Variants in SDK1 observed in about 807,000 individuals in gnomAD.
SDK1 encodes sidekick cell adhesion molecule 1, also known as protein sidekick-1.
SDK1 carries 157 observed loss-of-function variants against 245.5 expected under a neutral mutation model. That is an observed-to-expected ratio of 0.64 (90% CI 0.56 to 0.73). The LOEUF (loss-of-function observed/expected upper bound fraction) is 0.73. Ranked by LOEUF, SDK1 falls within the 30% of genes least tolerant of loss-of-function variation. The probability of loss-of-function intolerance (pLI) is 0.00; values close to 1 mark genes in which losing one functional copy is unlikely to be tolerated. For synonymous variants in SDK1, 1,647 were observed against 1,278.5 expected, an observed-to-expected ratio of 1.29 and a Z score of -6.15; for missense variants, 3,583 against 3,002.3, an observed-to-expected ratio of 1.19 and a Z score of -4.52.
At chr7:3,960,061 T>C (rs1781561862) in intron 8 of SDK1, among the ~76,000 whole-genome samples, 1 of 152,222 alleles carries the variant, frequency 6.6e-6, no homozygotes, top group Non-Finnish European at 1.5e-5. Context: ...AGGATAGTAT[T>C]TTCTCCTACT....
intron 9 of SDK1, among the ~76,000 whole-genome samples, chr7:3,967,107 C>A (rs1782137271): frequency 6.6e-6 from 1 of 152,210 alleles, no homozygotes. Flanking sequence ...CATCGTGACG[C>A]TGTATTTTCT....
intron 22 of SDK1, among the ~76,000 whole-genome samples, chr7:4,099,404 C>G (rs1370396335): frequency 7.1e-6 from 1 of 140,782 alleles, no homozygotes; most frequent in Non-Finnish European, 1.5e-5. Flanking sequence ...TGGCAGGAGC[C>G]TCTGCTGTGG....
intron 2 of SDK1, among the ~76,000 whole-genome samples, chr7:3,627,865 T>A (rs2128647055): frequency 6.6e-6 from 1 of 152,334 alleles, no homozygotes; most frequent in East Asian, 1.9e-4. Flanking sequence ...CCCATTGGGC[T>A]ATTTACATAT....
At position 3,859,979 on chromosome 7, in the gene SDK1, G is replaced by A. The variant is rs182355704; in HGVS notation, c.847+38396G>A. Among the ~76,000 whole-genome samples the A allele has an allele frequency of 1.5e-3, 229 of 151,916 alleles. 5 individuals carry two copies. The highest frequency in any genetic ancestry group is 2.4e-4 in the Non-Finnish European group (16 of 67,976). On this transcript the variant is annotated intron_variant, in intron 5 of 44. Transcript: ENST00000404826. ...CTGTCGCCCAGGCTAGAGTGCAGTG[G>A]CATGATCTTGGCTCACTGCAAGCTC...
intron 11 of SDK1, among the ~76,000 whole-genome samples, chr7:3,970,795 C>G (rs1249122477): frequency 1.3e-5 from 2 of 152,190 alleles, no homozygotes; most frequent in Non-Finnish European, 2.9e-5. Context: ...AATTGTTTTT[C>G]TGGACTCACC....
intron 22 of SDK1, among the ~76,000 whole-genome samples, chr7:4,107,396 G>A (rs1309826584): frequency 6.6e-6 from 1 of 152,118 alleles, no homozygotes; most frequent in Admixed American, 6.5e-5. Context: ...CGCCCTGACT[G>A]CTGGCTCTTT....
intron 1 of SDK1, among the ~76,000 whole-genome samples, chr7:3,515,133 G>C (rs1181712905): frequency 1.3e-5 from 2 of 152,138 alleles, no homozygotes; most frequent in South Asian, 2.1e-4. Context: ...GAGGAGACAA[G>C]ACCTGGAGGT....
In SDK1 at chr7:3,863,870, G is replaced by C. The variant is rs371338358; in HGVS notation, c.847+42287G>C. 2.7e-4 allele frequency among the ~76,000 whole-genome samples: 41 copies of C among 152,310 alleles called. No homozygotes were observed. In the East Asian group the frequency reaches 6.5e-3, roughly 24 times the overall value. ...CTTGGGTTGTTTCTGCCTTTTGGCT[G>C]TTGTGAATCTGCTGCTATGAACATG... On this transcript the variant is annotated intron_variant, in intron 5 of 44. Coordinates refer to ENST00000404826, the MANE Select transcript of SDK1 (RefSeq NM_152744.4).
intron 14 of SDK1, among the ~76,000 whole-genome samples, chr7:4,010,020 A>G (rs1053998030): frequency 2.0e-5 from 3 of 152,218 alleles, no homozygotes; most frequent in Non-Finnish European, 4.4e-5. Flanking sequence ...GGTGGAAAGC[A>G]TGTGCCACCT....
chr7:3,665,761 C>T (rs1243683193), intron 4 of SDK1, among the ~76,000 whole-genome samples: 4 of 152,188 alleles, frequency 2.6e-5, no homozygotes, highest in Non-Finnish European at 5.9e-5. Flanking sequence ...TGTTTATGCT[C>T]CCCTTGCCCT....
intron 22 of SDK1, among the ~76,000 whole-genome samples, chr7:4,102,614 C>T (rs1351112232): frequency 6.6e-6 from 1 of 152,174 alleles, no homozygotes; most frequent in African/African-American, 2.4e-5. Context: ...TGACCCTGGC[C>T]TCCGGAGTGC....
chr7:3,822,229 A>C (rs1294920484), intron 5 of SDK1, among the ~76,000 whole-genome samples: 4 of 152,350 alleles, frequency 2.6e-5, no homozygotes, highest in Admixed American at 6.5e-5. Flanking sequence ...ACTCTGAACT[A>C]ATCTAGATTC....
intron 14 of SDK1, among the ~76,000 whole-genome samples, chr7:3,990,367 C>G (rs559938306): frequency 6.6e-6 from 1 of 152,340 alleles, no homozygotes; most frequent in African/African-American, 2.4e-5. Flanking sequence ...CTCTTTCCTC[C>G]CAGAGATGGG....
intron 12 of SDK1, among the ~76,000 whole-genome samples, chr7:3,972,025 C>G (rs1324598322): frequency 1.3e-5 from 2 of 151,376 alleles, no homozygotes; most frequent in Non-Finnish European, 2.9e-5. Flanking sequence ...CCACAGCCCC[C>G]AGTGCACTAA....
At position 4,228,091 on chromosome 7, in the gene SDK1, G is replaced by T. The variant is rs142891175; in HGVS notation, c.5828-5164G>T. Among the ~76,000 whole-genome samples the T allele has an allele frequency of 3.2e-3, 483 of 152,310 alleles. 1 individual carries two copies. The highest frequency in any genetic ancestry group is 0.011 in the African/African-American group (460 of 41,568). The stretch of plus-strand genomic sequence containing the variant: ...AGTTCATATTCTTTAAAGAAAAGCC[G>T]CCTCAATGGGAAGCTGAACTGGCTC... On this transcript the variant is annotated intron_variant, in intron 40 of 44. Coordinates refer to ENST00000404826, the MANE Select transcript of SDK1 (RefSeq NM_152744.4).
intron 4 of SDK1, among the ~76,000 whole-genome samples, chr7:3,718,765 C>CAA (rs148429996): frequency 0.087 from 13,233 of 151,534 alleles, 669 homozygotes; most frequent in Middle Eastern, 0.14. Flanking sequence ...CCACTCTTAA[C>CAA]AGAGTACCTA....
intron 5 of SDK1, among the ~76,000 whole-genome samples, chr7:3,943,371 CTT>C (rs1562554975): frequency 3.0e-5 from 4 of 132,614 alleles, no homozygotes; most frequent in Admixed American, 7.4e-5. Context: ...CGTCCCCTCC[CTT>C]CTTTCCCCTT....
chr7:3,812,554 A>G (rs549670378), intron 4 of SDK1, among the ~76,000 whole-genome samples: 4 of 152,204 alleles, frequency 2.6e-5, no homozygotes, highest in South Asian at 2.1e-4. Context: ...CCATTATGAG[A>G]TTAACAATGA....
intron 1 of SDK1, among the ~76,000 whole-genome samples, chr7:3,583,297 A>T (rs750079273): frequency 9.2e-5 from 14 of 152,224 alleles, no homozygotes; most frequent in Non-Finnish European, 1.5e-4. Context: ...TTTCTTAGTA[A>T]ACAAATTTTC....
Sources: allele counts gnomAD v4.1 joint callset (sites outside exome capture counted in the v4.1 genomes callset), GRCh38; gene constraint gnomAD v4.1.1; transcripts MANE v1.5; gene names NCBI Gene and HGNC (gene_info 2026-07-23, HGNC 2026-07-21).